MTHFD2L: variants seen among roughly 807,000 people sequenced by gnomAD.
MTHFD2L encodes bifunctional methylenetetrahydrofolate dehydrogenase/cyclohydrolase 2, mitochondrial.
MTHFD2L carries 29 observed loss-of-function variants against 34.9 expected under a neutral mutation model. The ratio of observed to expected loss-of-function variants is 0.83; its 90% confidence interval spans 0.62 to 1.13. The LOEUF (loss-of-function observed/expected upper bound fraction) is 1.13. MTHFD2L is among the 50% of genes most tolerant of loss of function. The pLI, the probability that MTHFD2L is intolerant of heterozygous loss-of-function variation, is 0.00. For synonymous variants in MTHFD2L, 167 were observed against 155.7 expected (o/e 1.07, Z -0.54); for missense variants, 481 against 446.5 (o/e 1.08, Z -0.70).
intron 7 of MTHFD2L, among the ~76,000 whole-genome samples, chr4:74,284,031 C>T (rs1369662446): frequency 6.6e-6 from 1 of 152,108 alleles, no homozygotes; most frequent in Non-Finnish European, 1.5e-5. Flanking sequence ...TGAAAAGTTT[C>T]ACTATAACTA....
At chr4:74,124,773 CATTTT>C (rs1721956054), upstream of MTHFD2L, among the ~76,000 whole-genome samples, 1 of 152,018 alleles carries the variant, frequency 6.6e-6, no homozygotes, top group African/African-American at 2.4e-5. Context: ...CATGAGGACA[CATTTT>C]ATACCTTTGC....
At chr4:74,232,992 C>T (rs1246590) in intron 6 of MTHFD2L, among the ~76,000 whole-genome samples, 41,799 of 151,608 alleles carry the variant, frequency 0.28, 6,214 homozygotes, top group African/African-American at 0.39. Flanking sequence ...CATCGTAACC[C>T]ATAATATTTA....
At chr4:74,191,231 T>C (rs1732426128) in intron 3 of MTHFD2L, among the ~76,000 whole-genome samples, 1 of 152,164 alleles carries the variant, frequency 6.6e-6, no homozygotes, top group African/African-American at 2.4e-5. Context: ...TTATATATTC[T>C]AAACCCCTAC....
At chr4:74,273,827 G>A (rs997693612) in intron 6 of MTHFD2L, among the ~76,000 whole-genome samples, 8 of 152,232 alleles carry the variant, frequency 5.3e-5, no homozygotes, top group African/African-American at 1.9e-4. Context: ...TGATGGCTGG[G>A]CCTTCTCCAG....
In MTHFD2L at chr4:74,201,336, T is replaced by C; in HGVS notation, c.678T>C (p.Leu226=). The part of the protein sequence containing the change: ...SKNVGMPIAM[L]LHTDGEHERP... ...ACGTAGGGATGCCTATTGCCATGCT[T>C]TTACACACTGATGGAGAGCATGAAC... Residue 226 remains leucine (L), a synonymous_variant, in exon 5 of 8, where the codon CTT becomes CTC. Transcript: ENST00000325278. The C allele has an allele frequency of 6.2e-7, 1 of 1,613,830 alleles. No homozygotes were observed. Among genetic ancestry groups the C allele is most frequent in the Non-Finnish European group, 8.5e-7 (1 of 1,179,848 alleles).
intron 7 of MTHFD2L, among the ~76,000 whole-genome samples, chr4:74,289,607 T>C (rs1748631709): frequency 1.3e-5 from 2 of 152,190 alleles, no homozygotes; most frequent in Admixed American, 6.5e-5. Flanking sequence ...ATAGGCCGTA[T>C]AGAGGTAAAG....
intron 6 of MTHFD2L, among the ~76,000 whole-genome samples, chr4:74,274,417 A>G (rs1281741792): frequency 6.6e-6 from 1 of 152,212 alleles, no homozygotes; most frequent in Non-Finnish European, 1.5e-5. Context: ...GTCAGACTCA[A>G]TGTGAGCCAT....
At chr4:74,270,347 T>G (rs571342676) in intron 6 of MTHFD2L, among the ~76,000 whole-genome samples, 1 of 147,328 alleles carries the variant, frequency 6.8e-6, no homozygotes. Flanking sequence ...CAGGCCCCGG[T>G]GTGCGATGTT....
chr4:74,288,857 TTGA>T, intron 7 of MTHFD2L, among the ~76,000 whole-genome samples: 1 of 152,228 alleles, frequency 6.6e-6, no homozygotes, highest in East Asian at 1.9e-4. Flanking sequence ...TGATATAGAT[TTGA>T]TACTTTTTGA....
intron 7 of MTHFD2L, among the ~76,000 whole-genome samples, chr4:74,292,885 T>C (rs986193313): frequency 6.6e-6 from 1 of 152,026 alleles, no homozygotes; most frequent in East Asian, 1.9e-4. Context: ...AGTTTTAGGG[T>C]ACATGTGCAC....
chr4:74,158,375 G>A, intron 1 of MTHFD2L, 94 bp downstream of exon 1: 3 of 944,220 alleles, frequency 3.2e-6, no homozygotes, highest in Non-Finnish European at 2.6e-6. Context: ...CCCAAGGCTC[G>A]TGGGCGGCCG....
intron 7 of MTHFD2L, among the ~76,000 whole-genome samples, chr4:74,283,851 T>A (rs886997236): frequency 1.3e-5 from 2 of 151,972 alleles, no homozygotes; most frequent in Non-Finnish European, 2.9e-5. Flanking sequence ...AAGTGATAGG[T>A]TTTGACATGT....
At chr4:74,277,370 G>T (rs897113372) in intron 6 of MTHFD2L, among the ~76,000 whole-genome samples, 1 of 151,946 alleles carries the variant, frequency 6.6e-6, no homozygotes, top group African/African-American at 2.4e-5. Flanking sequence ...TAAGAGGGAG[G>T]AGGACATAGC....
At chr4:74,139,751 C>T (rs1330300470) in intron 1 of MTHFD2L, among the ~76,000 whole-genome samples, 1 of 152,174 alleles carries the variant, frequency 6.6e-6, no homozygotes, top group Non-Finnish European at 1.5e-5. Context: ...TTCTGCTGCA[C>T]TCCCCCAATT....
chr4:74,135,484 G>A (rs1334310575), intron 1 of MTHFD2L, among the ~76,000 whole-genome samples: 1 of 152,048 alleles, frequency 6.6e-6, no homozygotes, highest in African/African-American at 2.4e-5. Context: ...AGCCAATAAT[G>A]AGTTATGAAA....
At chr4:74,172,129 G>T (rs116049456) in intron 1 of MTHFD2L, among the ~76,000 whole-genome samples, 1,629 of 152,216 alleles carry the variant, frequency 0.011, 25 homozygotes, top group African/African-American at 0.038. Context: ...AATATATACT[G>T]AACAAAAGAG....
upstream of MTHFD2L, among the ~76,000 whole-genome samples, chr4:74,124,182 C>T (rs1027098060): frequency 2.6e-5 from 4 of 151,748 alleles, no homozygotes; most frequent in Non-Finnish European, 5.9e-5. Flanking sequence ...TTTGATGGGC[C>T]CTAGACCATC....
chr4:74,151,664 T>G (rs1723948492), intron 1 of MTHFD2L, among the ~76,000 whole-genome samples: 1 of 152,196 alleles, frequency 6.6e-6, no homozygotes, highest in African/African-American at 2.4e-5. Context: ...AAACATATGC[T>G]GTTATTATTA....
At chr4:74,201,199 G>C in intron 4 of MTHFD2L, 64 bp from the exon 5 acceptor site, 1 of 1,230,628 alleles carries the variant, frequency 8.1e-7, no homozygotes, top group Non-Finnish European at 1.2e-6. Flanking sequence ...TCAGTTGGCT[G>C]TACAAATGTT....
Sources: allele counts gnomAD v4.1 joint callset (sites outside exome capture counted in the v4.1 genomes callset), GRCh38; gene constraint gnomAD v4.1.1; transcripts MANE v1.5; gene names NCBI Gene and HGNC (gene_info 2026-07-23, HGNC 2026-07-21).